The following PHEX variants were observed in gnomAD, a reference collection of about 807,000 sequenced individuals.
PHEX encodes the protein phosphate-regulating neutral endopeptidase PHEX.
A neutral mutation model predicts 68.0 loss-of-function variants in PHEX; 16 were observed. That is an observed-to-expected ratio of 0.24 (90% confidence interval 0.16 to 0.36). The LOEUF (loss-of-function observed/expected upper bound fraction) is 0.36, where lower values mean the gene tolerates loss of function less well. Ranked by LOEUF, PHEX falls within the 10% of genes least tolerant of loss-of-function variation. The pLI is 1.00. For missense variants in PHEX, 480 were observed against 575.5 expected, an observed-to-expected ratio of 0.83 and a Z score of 1.70; for synonymous variants, 208 against 205.1, an observed-to-expected ratio of 1.01 and a Z score of -0.12.
Position 22,114,576 on chromosome X carries a change from A to G in PHEX, c.1292A>G (p.Lys431Arg). 8.3e-7 allele frequency: 1 copy of G among 1,206,682 alleles called. No individual in the cohort carries two copies. Among genetic ancestry groups the G allele is most frequent in the African/African-American group, 1.7e-5 (1 of 57,761 alleles). ...MFVDVYFQED[K>R]KEMMEELVEG... is the part of the protein sequence containing the mutation. ...GTAGATGTGTACTTCCAGGAAGATA[A>G]GAAGGAAATGGTAAGTGGTACTCCC... Residue 431 changes from lysine to arginine, a missense_variant, in exon 11 of 22, where the codon AAG becomes AGG. Physicochemically the swap from Lys to Arg is conservative, Grantham distance 26. Transcript: ENST00000379374.
At position 22,190,681 on chromosome X, in the gene PHEX, G is replaced by GT. The variant is rs202159277; in HGVS notation, c.1645+187dup. Among the ~76,000 whole-genome samples the GT allele has an allele frequency of 6.3e-3, 697 of 111,304 alleles. 7 individuals are homozygous for GT. Among genetic ancestry groups the GT allele is most frequent in the African/African-American group, 0.022 (661 of 30,599 alleles). ...TTTCCTCACTCTCTTCACCTTACCA[G>GT]TTTTTTTTAAAGCTTTATGTCACCA... On this transcript the variant is annotated intron_variant, in intron 15 of 21. Coordinates refer to ENST00000379374, the MANE Select transcript of PHEX (RefSeq NM_000444.6).
chrX:22,094,623 C>T (rs187579652), intron 7 of PHEX, among the ~76,000 whole-genome samples: 386 of 112,243 alleles, frequency 3.4e-3, no homozygotes, highest in Non-Finnish European at 5.9e-3. Flanking sequence ...TGCTGGTAAG[C>T]ATTTTTAAAC....
rs1336575605 is a variant in PHEX, at chrX:22,251,166, T to A, written c.*3213T>A. ...ACAACATTCTCATCACCAGTGACAGTGTCCTACTGGTTTGAAGAAAGATAT... is the reference window on the plus strand; with the variant it reads ...ACAACATTCTCATCACCAGTGACAGAGTCCTACTGGTTTGAAGAAAGATAT... On this transcript the variant is annotated 3_prime_UTR_variant, in exon 22 of 22. Transcript: ENST00000379374. 2 of 112,533 alleles carry A rather than the reference T, an allele frequency of 1.8e-5. No individual in the cohort carries two copies. Among genetic ancestry groups the A allele is most frequent in the Admixed American group, 9.4e-5 (1 of 10,627 alleles). 9.3% of individuals were successfully genotyped at this position (112,533 alleles called of 1,213,427 possible). A position where few individuals can be genotyped will look rare whatever the true frequency, so the allele number is the denominator to read the frequency against.
chrX:22,235,192 C>A (rs1432617079), intron 20 of PHEX, among the ~76,000 whole-genome samples: 2 of 111,879 alleles, frequency 1.8e-5, no homozygotes, highest in Non-Finnish European at 3.8e-5. Flanking sequence ...ATGAGATGAA[C>A]TGGGTACCTC....
chrX:22,082,641 T>C (rs1337789544), intron 5 of PHEX, among the ~76,000 whole-genome samples: 2 of 112,641 alleles, frequency 1.8e-5, no homozygotes, highest in African/African-American at 6.5e-5. Context: ...CCAAATACTT[T>C]CTGCCGTTCT....
At chrX:22,239,671 T>C (rs1051670651) in intron 20 of PHEX, among the ~76,000 whole-genome samples, 1 of 110,304 alleles carries the variant, frequency 9.1e-6, no homozygotes, top group Admixed American at 9.7e-5. Context: ...TGAAATAAAG[T>C]GAGAAGACAA....
intron 20 of PHEX, among the ~76,000 whole-genome samples, chrX:22,238,864 G>T (rs5951519): frequency 8.9e-6 from 1 of 111,815 alleles, no homozygotes; most frequent in Non-Finnish European, 1.9e-5. Flanking sequence ...CCAGCACAGC[G>T]GTCGAGCTCT....
chrX:22,222,593 C>T (rs1335325745), intron 18 of PHEX, among the ~76,000 whole-genome samples: 2 of 111,572 alleles, frequency 1.8e-5, no homozygotes, highest in African/African-American at 3.3e-5. Flanking sequence ...CCTGATCCTT[C>T]GTGACATACT....
At chrX:22,042,814 CAAAAA>C (rs113618403) in intron 2 of PHEX, among the ~76,000 whole-genome samples, 1 of 97,733 alleles carries the variant, frequency 1.0e-5, no homozygotes, top group African/African-American at 3.7e-5. Flanking sequence ...GACTCCGCCT[CAAAAA>C]AAAAAAATTA....
intron 3 of PHEX, among the ~76,000 whole-genome samples, chrX:22,047,849 G>A (rs1440121891): frequency 2.7e-5 from 3 of 111,777 alleles, no homozygotes; most frequent in East Asian, 2.8e-4. Flanking sequence ...GTTAGCATTG[G>A]ATCTAATTTT....
chrX:22,112,088 T>C (rs1428474546), intron 10 of PHEX, among the ~76,000 whole-genome samples: 1 of 111,948 alleles, frequency 8.9e-6, no homozygotes, highest in Non-Finnish European at 1.9e-5. Context: ...GGCTCCAATT[T>C]AGTTTTCTTG....
intron 5 of PHEX, among the ~76,000 whole-genome samples, chrX:22,079,757 G>C: frequency 9.0e-6 from 1 of 111,498 alleles, no homozygotes; most frequent in Middle Eastern, 4.6e-3. Flanking sequence ...CCTGTAAACT[G>C]TCTTACATTC....
At position 22,116,079 on chromosome X, in the gene PHEX, A is replaced by G. The variant is rs1231885024; in HGVS notation, c.1302+1493A>G. 4.5e-5 allele frequency among the ~76,000 whole-genome samples: 5 copies of G among 112,196 alleles called. No homozygotes were observed. In the East Asian group the frequency reaches 1.4e-3, roughly 31 times the overall value. ...ACCAGTTTACATTCTTACCAACAGT[A>G]TATGAGCGTTTCCTTTTTTTCCAGG... On this transcript the variant is annotated intron_variant, in intron 11 of 21. Transcript: ENST00000379374.
At chrX:22,212,631 T>G (rs1934965278) in intron 15 of PHEX, among the ~76,000 whole-genome samples, 1 of 111,968 alleles carries the variant, frequency 8.9e-6, no homozygotes, top group South Asian at 3.8e-4. Context: ...CTCATGAGCA[T>G]GCCATGTATG....
intron 7 of PHEX, among the ~76,000 whole-genome samples, chrX:22,095,409 C>A (rs1454796166): frequency 2.7e-5 from 3 of 111,911 alleles, no homozygotes; most frequent in Non-Finnish European, 5.6e-5. Flanking sequence ...AAAAAGGGAA[C>A]TAAAAACAGC....
intron 12 of PHEX, among the ~76,000 whole-genome samples, chrX:22,153,246 A>G (rs1392542401): frequency 8.9e-6 from 1 of 111,992 alleles, no homozygotes; most frequent in Non-Finnish European, 1.9e-5. Flanking sequence ...GGCCTCCCAA[A>G]ATGCTGAGAT....
intron 11 of PHEX, among the ~76,000 whole-genome samples, chrX:22,131,926 G>C (rs1232851806): frequency 9.0e-6 from 1 of 110,805 alleles, no homozygotes. Context: ...CCTCTAATGT[G>C]ACGTGTCAGT....
In PHEX at chrX:22,042,512, C is replaced by T. The variant is rs185343725; in HGVS notation, c.187+3975C>T. Among the ~76,000 whole-genome samples the T allele has an allele frequency of 3.6e-5, 4 of 112,486 alleles. No homozygotes were observed. In the Admixed American group the frequency reaches 3.8e-4, roughly 11 times the overall value. ...AAAGAAAATAATAATGGACTGGGCA[C>T]GGTGGCTCTCGCCTGCCACCCCAGC... On this transcript the variant is annotated intron_variant, in intron 2 of 21. Transcript: ENST00000379374.
intron 3 of PHEX, among the ~76,000 whole-genome samples, chrX:22,049,798 G>T (rs1247374033): frequency 2.7e-5 from 3 of 110,595 alleles, no homozygotes; most frequent in Non-Finnish European, 5.7e-5. Context: ...AGGAGGGAGA[G>T]ATTGCAGTGA....
Sources: allele counts gnomAD v4.1 joint callset (sites outside exome capture counted in the v4.1 genomes callset), GRCh38; gene constraint gnomAD v4.1.1; transcripts MANE v1.5; gene names NCBI Gene and HGNC (gene_info 2026-07-23, HGNC 2026-07-21).